Variants in CENPP observed in about 807,000 individuals in gnomAD.
CENPP encodes the protein centromere protein P.
Under a neutral mutation model 35.6 loss-of-function variants are expected in CENPP, and 24 were observed. The observed-to-expected ratio is 0.67, with a 90% confidence interval of 0.49 to 0.95. The LOEUF is 0.95. Ranked by LOEUF, CENPP falls within the 40% of genes least tolerant of loss-of-function variation. CENPP has a pLI of 0.00. For synonymous variants in CENPP, 120 were observed against 125.5 expected (o/e 0.96, Z 0.29); for missense variants, 332 against 345.3 (o/e 0.96, Z 0.31).
At chr9:92,409,152 T>C (rs1588109470) in intron 5 of CENPP, among the ~76,000 whole-genome samples, 1 of 152,332 alleles carries the variant, frequency 6.6e-6, no homozygotes, top group Non-Finnish European at 1.5e-5. Flanking sequence ...ATGCAAGATG[T>C]GTCCATGATG....
At chr9:92,440,357 A>ATAAG (rs1844354946) in intron 5 of CENPP, among the ~76,000 whole-genome samples, 1 of 150,526 alleles carries the variant, frequency 6.6e-6, no homozygotes, top group Non-Finnish European at 1.5e-5. Context: ...AAATAAATAA[A>ATAAG]TAAATAAATA....
chr9:92,599,973 T>C (rs1588308039), intron 5 of CENPP, among the ~76,000 whole-genome samples: 1 of 152,210 alleles, frequency 6.6e-6, no homozygotes, highest in Admixed American at 6.5e-5. Flanking sequence ...TGGTCTTTCC[T>C]GGTCCGTGTC....
chr9:92,515,409 A>G (rs1343540741), intron 5 of CENPP, among the ~76,000 whole-genome samples: 1 of 152,096 alleles, frequency 6.6e-6, no homozygotes, highest in Non-Finnish European at 1.5e-5. Flanking sequence ...CATTTTATTC[A>G]CCTGTGGGCC....
intron 5 of CENPP, among the ~76,000 whole-genome samples, chr9:92,609,824 T>C (rs1387262914): frequency 6.6e-6 from 1 of 152,098 alleles, no homozygotes; most frequent in African/African-American, 2.4e-5. Flanking sequence ...CACTGCAGCC[T>C]CCGCCTCCTG....
intron 5 of CENPP, among the ~76,000 whole-genome samples, chr9:92,427,218 A>C (rs2130980968): frequency 6.6e-6 from 1 of 152,324 alleles, no homozygotes; most frequent in Admixed American, 6.5e-5. Context: ...GCTGGAGTGC[A>C]ATGGCGCCGT....
intron 5 of CENPP, among the ~76,000 whole-genome samples, chr9:92,549,511 G>T (rs1849540515): frequency 6.6e-6 from 1 of 152,106 alleles, no homozygotes; most frequent in African/African-American, 2.4e-5. Context: ...GCTGGGCGTT[G>T]TGGCACACGC....
chr9:92,357,571 C>T lies in CENPP; in HGVS notation c.467+11784C>T, dbSNP rs967788327. Among the ~76,000 whole-genome samples, 6 of 151,498 alleles carry T rather than the reference C, an allele frequency of 4.0e-5. No individual in the cohort carries two copies. In the South Asian group the frequency reaches 8.3e-4, roughly 21 times the overall value. On this transcript the variant is annotated intron_variant, in intron 4 of 7. Coordinates refer to ENST00000375587, the MANE Select transcript of CENPP (RefSeq NM_001012267.3). Reference sequence around the variant, plus strand: ...GTTCAATGGCGCGATCTCAGCTCACCGCAACCTCTGCCTCCCGGGTTCAGG... The same window carrying T: ...GTTCAATGGCGCGATCTCAGCTCACTGCAACCTCTGCCTCCCGGGTTCAGG...
chr9:92,453,731 C>T (rs1184509904), intron 5 of CENPP, among the ~76,000 whole-genome samples: 1 of 152,026 alleles, frequency 6.6e-6, no homozygotes, highest in Non-Finnish European at 1.5e-5. Flanking sequence ...CAGCTCTGCA[C>T]CAAGCGGCAA....
At chr9:92,498,894 G>A (rs1846510395) in intron 5 of CENPP, among the ~76,000 whole-genome samples, 1 of 152,122 alleles carries the variant, frequency 6.6e-6, no homozygotes, top group African/African-American at 2.4e-5. Context: ...ATTTGATTTG[G>A]GAATGTCAGT....
At chr9:92,474,630 C>A in intron 5 of CENPP, 1 of 1,609,142 alleles carries the variant, frequency 6.2e-7, no homozygotes, top group Non-Finnish European at 8.5e-7. Flanking sequence ...TTACCTAAAT[C>A]TGAGCAATGT....
chr9:92,511,996 A>T (rs1235298437), intron 5 of CENPP: 1 of 1,576,304 alleles, frequency 6.3e-7, no homozygotes, highest in South Asian at 1.1e-5. Context: ...TAGACAAATC[A>T]GAGCATGTAT....
intron 5 of CENPP, among the ~76,000 whole-genome samples, chr9:92,400,029 T>TA (rs1564299965): frequency 6.6e-6 from 1 of 152,218 alleles, no homozygotes; most frequent in South Asian, 2.1e-4. Context: ...TCCAGCTTTA[T>TA]AAAAAAATTT....
intron 5 of CENPP, chr9:92,457,123 A>T (rs1844904009): frequency 7.1e-7 from 1 of 1,408,838 alleles, no homozygotes; most frequent in African/African-American, 1.5e-5. Context: ...TAGTTTGGCA[A>T]AATTCCGTTG....
At chr9:92,414,582 A>G (rs1843532706) in intron 5 of CENPP, 2 of 209,186 alleles carry the variant, frequency 9.6e-6, no homozygotes, top group Non-Finnish European at 1.9e-5. Flanking sequence ...GGCCTCTTAC[A>G]AATCAAAAAT....
At chr9:92,453,977 A>G (rs567982024) in intron 5 of CENPP, among the ~76,000 whole-genome samples, 2 of 152,152 alleles carry the variant, frequency 1.3e-5, no homozygotes, top group Non-Finnish European at 2.9e-5. Flanking sequence ...GAAAAAAAAA[A>G]AGTTTTTGTT....
chr9:92,335,162 CATAAA>C (rs374641327), intron 2 of CENPP, among the ~76,000 whole-genome samples: 258 of 152,096 alleles, frequency 1.7e-3, no homozygotes, highest in African/African-American at 5.9e-3. Flanking sequence ...TCAAAAATAA[CATAAA>C]ATAAAATAAA....
At chr9:92,415,261 T>C in intron 5 of CENPP, 6 of 1,613,854 alleles carry the variant, frequency 3.7e-6, no homozygotes, top group Non-Finnish European at 4.2e-6. Context: ...TTCATCATCA[T>C]CATCTGGAAA....
At chr9:92,524,022 G>T (rs1848238022) in intron 5 of CENPP, among the ~76,000 whole-genome samples, 1 of 152,184 alleles carries the variant, frequency 6.6e-6, no homozygotes, top group African/African-American at 2.4e-5. Context: ...AAAGGTGGTG[G>T]ATCAGACATG....
chr9:92,460,668 T>G (rs1845075090), intron 5 of CENPP: 1 of 689,246 alleles, frequency 1.5e-6, no homozygotes, highest in Non-Finnish European at 2.5e-6. Context: ...AGGCAACTTT[T>G]TAGGCACTAA....
Sources: allele counts gnomAD v4.1 joint callset (sites outside exome capture counted in the v4.1 genomes callset), GRCh38; gene constraint gnomAD v4.1.1; transcripts MANE v1.5; gene names NCBI Gene and HGNC (gene_info 2026-07-23, HGNC 2026-07-21).